Variants in ADAMTSL3 observed in about 807,000 individuals in gnomAD.
ADAMTSL3 encodes the protein ADAMTS like 3.
In ADAMTSL3, 128 loss-of-function variants were observed where a neutral mutation model predicts 201.7. That is an observed-to-expected ratio of 0.63 (90% CI 0.55 to 0.73). The LOEUF is 0.73. Among genes scored for constraint, ADAMTSL3 ranks in the 30% least tolerant of loss-of-function variants. The probability of loss-of-function intolerance (pLI) is 0.00; values close to 1 mark genes in which losing one functional copy is unlikely to be tolerated. For synonymous variants in ADAMTSL3, 738 were observed against 748.4 expected (o/e 0.99, Z 0.23); for missense variants, 1,990 against 2,119.6 (o/e 0.94, Z 1.20).
chr15:83,882,011 C>G (rs1029121878), intron 9 of ADAMTSL3, among the ~76,000 whole-genome samples: 1 of 151,956 alleles, frequency 6.6e-6, no homozygotes, highest in African/African-American at 2.4e-5. Flanking sequence ...AAAAAATTAG[C>G]CAGGCATGGT....
intron 19 of ADAMTSL3, among the ~76,000 whole-genome samples, chr15:83,966,843 C>T (rs1238465920): frequency 6.6e-6 from 1 of 152,112 alleles, no homozygotes; most frequent in Non-Finnish European, 1.5e-5. Context: ...ACGATCAAGT[C>T]AGCTTCCTCC....
At chr15:83,682,137 G>C (rs183838337) in intron 2 of ADAMTSL3, among the ~76,000 whole-genome samples, 31 of 152,278 alleles carry the variant, frequency 2.0e-4, no homozygotes, top group Admixed American at 1.0e-3. Flanking sequence ...GTGACCCTGG[G>C]AGAGGGCTCT....
chr15:83,757,860 C>T (rs1159792816), intron 3 of ADAMTSL3, among the ~76,000 whole-genome samples: 1 of 152,196 alleles, frequency 6.6e-6, no homozygotes, highest in Non-Finnish European at 1.5e-5. Flanking sequence ...CCACATATCT[C>T]TAGGGCAGGT....
rs1367437945 is a variant in ADAMTSL3 at position 83,877,597 on chromosome 15, A to C, written c.960+6638A>C. Among the ~76,000 whole-genome samples, 4 of 152,116 alleles carry C rather than the reference A, an allele frequency of 2.6e-5. No homozygotes were observed. The East Asian group carries it at 5.8e-4, about 22-fold the overall frequency. On this transcript the variant is annotated intron_variant, in intron 9 of 29. Transcript: ENST00000286744. ...GCTTTTCTTGACACTGCATTTTTAT[A>C]TCATTGAAATCAGCTTGTCTGTTTT...
At chr15:83,810,974 A>G (rs1395538652) in intron 5 of ADAMTSL3, among the ~76,000 whole-genome samples, 1 of 152,056 alleles carries the variant, frequency 6.6e-6, no homozygotes, top group East Asian at 1.9e-4. Flanking sequence ...CCTGACCTCA[A>G]GTGATCCGCC....
chr15:83,982,733 A>G lies in ADAMTSL3; in HGVS notation c.3105A>G (p.Gln1035=). The G allele has an allele frequency of 1.2e-6, 2 of 1,614,138 alleles. No individual in the cohort carries two copies. The highest frequency in any genetic ancestry group is 1.7e-6 in the Non-Finnish European group (2 of 1,180,034). ...GAGTCACATGGCACAAAATGAGGCA[A>G]ATGTGGAATAACAAAAATGACCTTT... ...SLGVTWHKMR[Q]MWNNKNDLYL... The change falls in exon 21 of 30, where the codon CAA becomes CAG. Residue 1035 remains glutamine (Q), a synonymous_variant. Coordinates refer to ENST00000286744, the MANE Select transcript of ADAMTSL3 (RefSeq NM_207517.3).
intron 3 of ADAMTSL3, among the ~76,000 whole-genome samples, chr15:83,721,291 C>CT (rs1468074251): frequency 6.6e-6 from 1 of 152,188 alleles, no homozygotes; most frequent in Non-Finnish European, 1.5e-5. Context: ...AGGCCTAACT[C>CT]TTGCCACATG....
chr15:83,659,601 G>A (rs1459283357), intron 2 of ADAMTSL3, among the ~76,000 whole-genome samples: 2 of 152,176 alleles, frequency 1.3e-5, no homozygotes, highest in Admixed American at 6.5e-5. Context: ...CTTGGGATAT[G>A]TGGTAGGTTG....
intron 14 of ADAMTSL3, among the ~76,000 whole-genome samples, chr15:83,899,443 A>C (rs2065680616): frequency 6.6e-6 from 1 of 152,204 alleles, no homozygotes; most frequent in African/African-American, 2.4e-5. Flanking sequence ...GTTGCATTTT[A>C]ATAATGTATT....
At chr15:83,727,091 G>A (rs1396340597) in intron 3 of ADAMTSL3, among the ~76,000 whole-genome samples, 1 of 151,804 alleles carries the variant, frequency 6.6e-6, no homozygotes, top group Non-Finnish European at 1.5e-5. Context: ...GTCTGTTCAG[G>A]TCTTGAATTT....
chr15:83,696,616 A>G (rs896541029), intron 2 of ADAMTSL3, among the ~76,000 whole-genome samples: 2 of 150,662 alleles, frequency 1.3e-5, no homozygotes, highest in African/African-American at 4.9e-5. Context: ...GAAGCGTCTG[A>G]GAGTGTATTC....
intron 23 of ADAMTSL3, 25 bp downstream of exon 23, chr15:83,991,239 G>A: frequency 6.2e-7 from 1 of 1,613,550 alleles, no homozygotes. Flanking sequence ...TTCAGTGGGA[G>A]GCCATTTCAG....
At chr15:83,726,932 C>T (rs2062185800) in intron 3 of ADAMTSL3, among the ~76,000 whole-genome samples, 1 of 151,522 alleles carries the variant, frequency 6.6e-6, no homozygotes, top group Admixed American at 6.6e-5. Context: ...GAAGTATTCT[C>T]TCCTCGATTT....
intron 2 of ADAMTSL3, among the ~76,000 whole-genome samples, chr15:83,695,230 G>GCGTGCAGTGTC (rs2061668495): frequency 8.2e-5 from 10 of 121,294 alleles, no homozygotes; most frequent in Admixed American, 2.0e-4. Context: ...TGTGTGTAAT[G>GCGTGCAGTGTC]TGTGTGTGTG....
chr15:84,025,775 T>C (rs938114398), intron 27 of ADAMTSL3, among the ~76,000 whole-genome samples: 7 of 152,142 alleles, frequency 4.6e-5, no homozygotes, highest in African/African-American at 1.7e-4. Context: ...CCTCAGAATC[T>C]TCATCCCAAA....
At chr15:83,714,915 T>A (rs866487101) in intron 3 of ADAMTSL3, among the ~76,000 whole-genome samples, 3 of 106,550 alleles carry the variant, frequency 2.8e-5, no homozygotes, top group African/African-American at 3.5e-5. Context: ...CCTTCCTTCC[T>A]TCCTTCCTTC....
rs775221541 is a variant in ADAMTSL3 at position 84,025,531 on chromosome 15, C to T, written c.4656+95C>T. On this transcript the variant is annotated intron_variant, in intron 27 of 29. Coordinates refer to ENST00000286744, the MANE Select transcript of ADAMTSL3 (RefSeq NM_207517.3). ...TGTTTCCAATAAACTACTTTTGGGG[C>T]GGGGGGCAGGAATCTGACTGGTCTC... The T allele has an allele frequency of 1.7e-5, 21 of 1,219,350 alleles. No individual in the cohort carries two copies. In the Middle Eastern group the frequency reaches 6.2e-4, roughly 36 times the overall value. The allele number at this position is 1,219,350 out of a possible 1,614,324, so 75.5% of individuals were successfully genotyped here. A position where few individuals can be genotyped will look rare whatever the true frequency, so the allele number is the denominator to read the frequency against.
intron 3 of ADAMTSL3, among the ~76,000 whole-genome samples, chr15:83,729,510 C>T (rs1217281792): frequency 1.3e-5 from 2 of 151,748 alleles, no homozygotes; most frequent in East Asian, 1.9e-4. Context: ...TAATTCTTTC[C>T]TCTGCTTGAT....
At chr15:83,808,237 A>C (rs1380481112) in intron 5 of ADAMTSL3, among the ~76,000 whole-genome samples, 1 of 152,216 alleles carries the variant, frequency 6.6e-6, no homozygotes, top group African/African-American at 2.4e-5. Flanking sequence ...ACAGCTGGAC[A>C]CGGAAATATT....
Sources: allele counts gnomAD v4.1 joint callset (sites outside exome capture counted in the v4.1 genomes callset), GRCh38; gene constraint gnomAD v4.1.1; transcripts MANE v1.5; gene names NCBI Gene and HGNC (gene_info 2026-07-23, HGNC 2026-07-21).